Variants in GRIP1 observed in about 807,000 individuals in gnomAD.
The protein encoded by GRIP1 is glutamate receptor-interacting protein 1.
GRIP1 carries 45 observed loss-of-function variants against 129.9 expected under a neutral mutation model. The observed-to-expected ratio is 0.35, with a 90% CI of 0.27 to 0.44. The LOEUF is 0.44. GRIP1 is among the 20% of genes least tolerant of loss of function. GRIP1 has a pLI of 1.00. For synonymous variants in GRIP1, 530 were observed against 520.8 expected (o/e 1.02, Z -0.24); for missense variants, 1,196 against 1,396.8 (o/e 0.86, Z 2.29).
chr12:66,587,400 C>A (rs1446647445), intron 2 of GRIP1, among the ~76,000 whole-genome samples: 1 of 152,262 alleles, frequency 6.6e-6, no homozygotes, highest in Non-Finnish European at 1.5e-5. Context: ...TCTGCTCCCA[C>A]ACTCTCTACT....
At chr12:66,589,109 T>C (rs2063753400) in intron 2 of GRIP1, among the ~76,000 whole-genome samples, 1 of 151,874 alleles carries the variant, frequency 6.6e-6, no homozygotes, top group Admixed American at 6.6e-5. Context: ...GAGATGATAT[T>C]CATAAAAATG....
chr12:66,931,533 G>A (rs894743252), intron 1 of GRIP1, among the ~76,000 whole-genome samples: 1 of 152,156 alleles, frequency 6.6e-6, no homozygotes, highest in African/African-American at 2.4e-5. Flanking sequence ...AAATATGAGA[G>A]ATGTTAAAAT....
intron 7 of GRIP1, among the ~76,000 whole-genome samples, chr12:66,511,654 G>C (rs2060702712): frequency 6.6e-6 from 1 of 152,114 alleles, no homozygotes; most frequent in African/African-American, 2.4e-5. Context: ...TTTTAGAGGA[G>C]ATCAGTCTTG....
In GRIP1 at chr12:67,066,891, TA is replaced by T. The variant is rs1565664440; in HGVS notation, c.58+2158del. ...GCAGCTCAGTTTAAATATATATTTA[TA>T]TATATATATATATATATATACACAC... On this transcript the variant is annotated intron_variant, in intron 1 of 1. Transcript: ENST00000643019. Among the ~76,000 whole-genome samples, 487 of 126,756 alleles carry T rather than the reference TA, an allele frequency of 3.8e-3. 14 individuals are homozygous for T. The East Asian group carries it at 0.08, about 21-fold the overall frequency. 83.2% of individuals were successfully genotyped at this position (126,756 alleles called of 152,430 possible).
chr12:66,670,078 T>C (rs73128837), intron 1 of GRIP1, among the ~76,000 whole-genome samples: 4 of 152,276 alleles, frequency 2.6e-5, no homozygotes, highest in Non-Finnish European at 5.9e-5. Context: ...ACCATACAAA[T>C]GAGGGTGAAC....
intron 1 of GRIP1, among the ~76,000 whole-genome samples, chr12:66,819,686 T>C (rs1473648477): frequency 6.6e-6 from 1 of 152,200 alleles, no homozygotes; most frequent in Non-Finnish European, 1.5e-5. Context: ...AACTAAGAGT[T>C]CCAGTTTCCA....
In GRIP1 at chr12:66,378,270, T is replaced by G. The variant is rs914113719; in HGVS notation, c.2622-985A>C. On this transcript the variant is annotated intron_variant, in intron 20 of 24. Coordinates refer to ENST00000359742, the MANE Select transcript of GRIP1 (RefSeq NM_001366722.1). The stretch of plus-strand genomic sequence containing the variant: ...CAGCGTGGCCAACATGGTGAAACCC[T>G]GTCTCTACTAAAAATAACTAAAAAC... Among the ~76,000 whole-genome samples the G allele has an allele frequency of 2.0e-5, 3 of 151,122 alleles. No individual in the cohort carries two copies. The East Asian group carries it at 5.9e-4, about 30-fold the overall frequency.
intron 7 of GRIP1, among the ~76,000 whole-genome samples, chr12:66,479,754 G>T (rs1177598850): frequency 6.6e-6 from 1 of 152,136 alleles, no homozygotes; most frequent in East Asian, 1.9e-4. Flanking sequence ...GGAATGCAAG[G>T]CTGGTTCAGC....
chr12:67,028,962 A>C (rs2042979615), intron 1 of GRIP1, among the ~76,000 whole-genome samples: 1 of 152,152 alleles, frequency 6.6e-6, no homozygotes, highest in Non-Finnish European at 1.5e-5. Flanking sequence ...CATCAGTATT[A>C]TAATTTTATA....
chr12:66,949,828 C>T (rs1348017964), intron 1 of GRIP1, among the ~76,000 whole-genome samples: 2 of 132,846 alleles, frequency 1.5e-5, no homozygotes, highest in African/African-American at 2.8e-5. Context: ...AGTGCAGTGG[C>T]GTGATCTCGG....
At chr12:66,787,684 C>A (rs1329719159) in intron 1 of GRIP1, among the ~76,000 whole-genome samples, 1 of 152,044 alleles carries the variant, frequency 6.6e-6, no homozygotes, top group African/African-American at 2.4e-5. Context: ...GAGCAACAGA[C>A]CCTCACCCAA....
intron 2 of GRIP1, among the ~76,000 whole-genome samples, chr12:66,572,745 T>C (rs1384598552): frequency 5.3e-5 from 8 of 152,186 alleles, no homozygotes; most frequent in Non-Finnish European, 1.2e-4. Context: ...ATACCCCCAG[T>C]GTGAGAAACT....
intron 1 of GRIP1, among the ~76,000 whole-genome samples, chr12:66,734,866 T>C (rs2036546647): frequency 6.6e-6 from 1 of 152,222 alleles, no homozygotes; most frequent in African/African-American, 2.4e-5. Context: ...GAATCTCTTA[T>C]AAAAGTGATT....
chr12:67,034,513 T>C (rs142333811), intron 1 of GRIP1, among the ~76,000 whole-genome samples: 1 of 151,972 alleles, frequency 6.6e-6, no homozygotes, highest in Non-Finnish European at 1.5e-5. Flanking sequence ...TATCTAAACA[T>C]AGAAAAGGTA....
intron 1 of GRIP1, chr12:67,064,909 C>T (rs1282716664): frequency 7.8e-6 from 1 of 127,710 alleles, no homozygotes; most frequent in Admixed American, 8.6e-5. Flanking sequence ...CCCCTCCCCC[C>T]ACCCCACAAC....
intron 1 of GRIP1, among the ~76,000 whole-genome samples, chr12:66,994,942 A>G (rs1205826584): frequency 6.6e-6 from 1 of 152,116 alleles, no homozygotes; most frequent in East Asian, 1.9e-4. Flanking sequence ...ATTTCAAAAC[A>G]TAATGCAAAT....
chr12:66,499,998 T>C (rs1312961556), intron 7 of GRIP1, among the ~76,000 whole-genome samples: 1 of 152,082 alleles, frequency 6.6e-6, no homozygotes, highest in Non-Finnish European at 1.5e-5. Context: ...GCCAAGATCT[T>C]ATCTCAAAAA....
intron 7 of GRIP1, among the ~76,000 whole-genome samples, chr12:66,471,532 G>C (rs1031433489): frequency 1.3e-5 from 2 of 152,164 alleles, no homozygotes; most frequent in African/African-American, 4.8e-5. Context: ...TTAATTGTAT[G>C]TTATGTGAAT....
At chr12:66,986,791 C>G (rs1312059729) in intron 1 of GRIP1, among the ~76,000 whole-genome samples, 1 of 149,308 alleles carries the variant, frequency 6.7e-6, no homozygotes. Context: ...AACTAACCTG[C>G]ACATTGTGCA....
Sources: allele counts gnomAD v4.1 joint callset (sites outside exome capture counted in the v4.1 genomes callset), GRCh38; gene constraint gnomAD v4.1.1; transcripts MANE v1.5; gene names NCBI Gene and HGNC (gene_info 2026-07-23, HGNC 2026-07-21).